Variants in TMEM232 observed in about 807,000 individuals in gnomAD.
TMEM232 encodes the protein transmembrane protein 232.
A neutral mutation model predicts 78.8 loss-of-function variants in TMEM232; 80 were observed. That is an observed-to-expected ratio of 1.01 (90% CI 0.85 to 1.22). The LOEUF is 1.22. TMEM232 is among the 50% of genes most tolerant of loss of function. The pLI is 0.00. For missense variants in TMEM232, 881 were observed against 742.2 expected (o/e 1.19, Z -2.17); for synonymous variants, 297 against 254.3 (o/e 1.17, Z -1.60).
chr5:110,509,461 A>T (rs1323458954), intron 12 of TMEM232, among the ~76,000 whole-genome samples: 2 of 152,088 alleles, frequency 1.3e-5, no homozygotes, highest in Non-Finnish European at 2.9e-5. Context: ...AGACTAGTAA[A>T]ATTTTACAAA....
At chr5:110,673,920 A>G (rs1264332944) in intron 1 of TMEM232, among the ~76,000 whole-genome samples, 1 of 151,002 alleles carries the variant, frequency 6.6e-6, no homozygotes, top group East Asian at 2.0e-4. Flanking sequence ...TGATAAAGGA[A>G]TGATTTCTAT....
intron 12 of TMEM232, among the ~76,000 whole-genome samples, chr5:110,444,162 G>C (rs1759379328): frequency 6.6e-6 from 1 of 152,130 alleles, no homozygotes; most frequent in Admixed American, 6.6e-5. Flanking sequence ...AGATACCTAG[G>C]AATTGTAGTC....
At chr5:110,663,743 G>A (rs1418719296) in intron 2 of TMEM232, among the ~76,000 whole-genome samples, 2 of 138,854 alleles carry the variant, frequency 1.4e-5, no homozygotes, top group Non-Finnish European at 3.2e-5. Context: ...GTGTGTGTGT[G>A]TATGTGTGTG....
At chr5:110,625,510 A>T in intron 6 of TMEM232, 77 bp from the exon 7 acceptor site, 1 of 1,309,514 alleles carries the variant, frequency 7.6e-7, no homozygotes, top group Non-Finnish European at 1.0e-6. Flanking sequence ...TTTAGCTATT[A>T]AACTATAATT....
chr5:110,465,140 G>GCA (rs1466397354), intron 12 of TMEM232, among the ~76,000 whole-genome samples: 1 of 152,192 alleles, frequency 6.6e-6, no homozygotes, highest in Non-Finnish European at 1.5e-5. Flanking sequence ...TTCTGCATTA[G>GCA]CACACTGTCA....
intron 2 of TMEM232, among the ~76,000 whole-genome samples, chr5:110,408,927 C>T (rs1457087317): frequency 6.6e-6 from 1 of 152,144 alleles, no homozygotes; most frequent in Non-Finnish European, 1.5e-5. Flanking sequence ...GCCAAGCCTT[C>T]TGGGTAACTC....
chr5:110,492,154 G>A (rs1405400211), intron 12 of TMEM232, among the ~76,000 whole-genome samples: 1 of 151,600 alleles, frequency 6.6e-6, no homozygotes, highest in Non-Finnish European at 1.5e-5. Flanking sequence ...GTATACACAT[G>A]TAACAAACCC....
At chr5:110,538,167 C>A (rs1772632604) in intron 11 of TMEM232, among the ~76,000 whole-genome samples, 1 of 152,148 alleles carries the variant, frequency 6.6e-6, no homozygotes, top group African/African-American at 2.4e-5. Flanking sequence ...GACAATCCAG[C>A]CATGGACTTA....
At chr5:110,697,478 C>G (rs1397511235) in intron 1 of TMEM232, among the ~76,000 whole-genome samples, 3 of 152,106 alleles carry the variant, frequency 2.0e-5, no homozygotes, top group Non-Finnish European at 2.9e-5. Context: ...AGCTTCTGCA[C>G]AGCAGAAGAA....
chr5:110,484,180 T>C (rs990732252), intron 12 of TMEM232, among the ~76,000 whole-genome samples: 1 of 151,950 alleles, frequency 6.6e-6, no homozygotes, highest in African/African-American at 2.4e-5. Flanking sequence ...GGACTGAGTG[T>C]TGAAAAACTA....
At chr5:110,696,186 G>T (rs1055262254) in intron 1 of TMEM232, among the ~76,000 whole-genome samples, 1 of 152,136 alleles carries the variant, frequency 6.6e-6, no homozygotes, top group Non-Finnish European at 1.5e-5. Flanking sequence ...CATATAAAGA[G>T]AACCAAAGAC....
At chr5:110,391,698 A>G (rs1032018500) in intron 3 of TMEM232, among the ~76,000 whole-genome samples, 1 of 152,184 alleles carries the variant, frequency 6.6e-6, no homozygotes. Flanking sequence ...ATAAAAATAG[A>G]ATCTATTGAT....
At chr5:110,596,480 C>T (rs550547474) in intron 10 of TMEM232, among the ~76,000 whole-genome samples, 1 of 152,182 alleles carries the variant, frequency 6.6e-6, no homozygotes, top group South Asian at 2.1e-4. Flanking sequence ...TTCCAATCAA[C>T]AGAAAAAGAG....
chr5:110,536,828 T>G (rs1581130768), intron 11 of TMEM232, among the ~76,000 whole-genome samples: 1 of 152,288 alleles, frequency 6.6e-6, no homozygotes, highest in East Asian at 1.9e-4. Flanking sequence ...AAGGAATTTA[T>G]GCAGGAACTG....
At chr5:110,626,200 G>A (rs1476756030) in intron 6 of TMEM232, among the ~76,000 whole-genome samples, 1 of 151,662 alleles carries the variant, frequency 6.6e-6, no homozygotes, top group Non-Finnish European at 1.5e-5. Flanking sequence ...TTTTTTTGAG[G>A]AGGGTATATC....
intron 3 of TMEM232, among the ~76,000 whole-genome samples, chr5:110,392,504 T>C (rs998121521): frequency 6.6e-6 from 1 of 152,192 alleles, no homozygotes; most frequent in Admixed American, 6.5e-5. Flanking sequence ...TTTCTCACAG[T>C]AATGGAGACT....
chr5:110,453,993 C>G (rs1483795386), intron 12 of TMEM232, among the ~76,000 whole-genome samples: 1 of 152,104 alleles, frequency 6.6e-6, no homozygotes, highest in Non-Finnish European at 1.5e-5. Flanking sequence ...CCTAAAAACT[C>G]TTTTTGATAA....
intron 12 of TMEM232, among the ~76,000 whole-genome samples, chr5:110,515,447 G>C (rs1768469532): frequency 6.6e-6 from 1 of 151,028 alleles, no homozygotes; most frequent in Non-Finnish European, 1.5e-5. Context: ...ACTGATTCAT[G>C]ATGGTTTGAT....
intron 7 of TMEM232, among the ~76,000 whole-genome samples, chr5:110,621,836 A>G (rs1783789100): frequency 6.6e-6 from 1 of 152,148 alleles, no homozygotes; most frequent in Admixed American, 6.6e-5. Flanking sequence ...TGTAGCTGGA[A>G]CAATGCCTAC....
Sources: gnomAD v4.1 joint callset for allele counts (sites outside exome capture counted in the v4.1 genomes callset) on GRCh38, gnomAD v4.1.1 for gene constraint, MANE v1.5 for transcripts, NCBI Gene and HGNC (gene_info 2026-07-23, HGNC 2026-07-21) for gene names.